The following DENND1A variants were observed in gnomAD, a reference collection of about 807,000 sequenced individuals.
The protein encoded by DENND1A is DENN domain-containing protein 1A.
A neutral mutation model predicts 113.7 loss-of-function variants in DENND1A; 51 were observed. The ratio of observed to expected loss-of-function variants is 0.45; its 90% confidence interval spans 0.36 to 0.57. The LOEUF is 0.57. DENND1A is among the 20% of genes least tolerant of loss of function. The pLI, the probability that DENND1A is intolerant of heterozygous loss-of-function variation, is 0.00. For missense variants in DENND1A, 1,258 were observed against 1,395.9 expected, an observed-to-expected ratio of 0.90 and a Z score of 1.57; for synonymous variants, 565 against 570.8, an observed-to-expected ratio of 0.99 and a Z score of 0.14.
chr9:123,805,329 A>C (rs1344328763), intron 2 of DENND1A, among the ~76,000 whole-genome samples: 1 of 152,184 alleles, frequency 6.6e-6, no homozygotes, highest in Non-Finnish European at 1.5e-5. Context: ...CAGATTTTGT[A>C]ATATTTCATA....
intron 3 of DENND1A, 75 bp downstream of exon 3, chr9:123,792,512 A>G: frequency 1.4e-6 from 2 of 1,458,946 alleles, no homozygotes; most frequent in South Asian, 2.6e-5. Flanking sequence ...CTTTCAGTAA[A>G]AAGAACAGTA....
At chr9:123,775,845 A>G (rs1830398764) in intron 3 of DENND1A, among the ~76,000 whole-genome samples, 1 of 152,170 alleles carries the variant, frequency 6.6e-6, no homozygotes, top group Admixed American at 6.5e-5. Context: ...CACACGAAAA[A>G]GCAGTCGATA....
At chr9:123,698,987 T>C (rs1192108811) in intron 5 of DENND1A, among the ~76,000 whole-genome samples, 1 of 152,194 alleles carries the variant, frequency 6.6e-6, no homozygotes, top group African/African-American at 2.4e-5. Context: ...AGTATATTTT[T>C]CTCAGGTATT....
chr9:123,479,227 C>G (rs990449330), intron 13 of DENND1A, among the ~76,000 whole-genome samples: 4 of 152,194 alleles, frequency 2.6e-5, no homozygotes, highest in Non-Finnish European at 4.4e-5. Context: ...AGTCTAAAGT[C>G]TGGGTTCTTT....
At chr9:123,839,541 C>T (rs1841527769) in intron 2 of DENND1A, among the ~76,000 whole-genome samples, 7 of 152,198 alleles carry the variant, frequency 4.6e-5, no homozygotes, top group Admixed American at 4.6e-4. Flanking sequence ...GCCAATTTCC[C>T]TTAATCCACT....
intron 18 of DENND1A, among the ~76,000 whole-genome samples, chr9:123,443,321 T>A (rs1280633316): frequency 2.6e-5 from 4 of 152,232 alleles, no homozygotes; most frequent in African/African-American, 7.2e-5. Context: ...TGCTTAGCAC[T>A]ATCTTATTTT....
chr9:123,627,035 C>T (rs1363230803), intron 10 of DENND1A, among the ~76,000 whole-genome samples: 1 of 152,214 alleles, frequency 6.6e-6, no homozygotes. Flanking sequence ...ATGTCCCCCT[C>T]TTCTTGCCAG....
chr9:123,606,027 C>A (rs1024148777), intron 11 of DENND1A, among the ~76,000 whole-genome samples: 1 of 152,182 alleles, frequency 6.6e-6, no homozygotes, highest in Admixed American at 6.5e-5. Context: ...TTCCTGAGCA[C>A]CTTCCGTAAA....
At chr9:123,433,420 A>G (rs2046287261) in intron 19 of DENND1A, among the ~76,000 whole-genome samples, 1 of 152,186 alleles carries the variant, frequency 6.6e-6, no homozygotes, top group South Asian at 2.1e-4. Flanking sequence ...CATGGATCTT[A>G]TATATGTGTG....
intron 11 of DENND1A, among the ~76,000 whole-genome samples, chr9:123,604,478 C>T (rs992995652): frequency 6.6e-6 from 1 of 152,160 alleles, no homozygotes; most frequent in Admixed American, 6.5e-5. Flanking sequence ...AAACATGGTG[C>T]CCCGTACACA....
At chr9:123,798,029 C>G (rs539578113) in intron 2 of DENND1A, among the ~76,000 whole-genome samples, 1 of 152,184 alleles carries the variant, frequency 6.6e-6, no homozygotes, top group Non-Finnish European at 1.5e-5. Flanking sequence ...AAAATCTATT[C>G]TAGGTGTAAC....
chr9:123,911,256 T>C (rs751457144), intron 1 of DENND1A, among the ~76,000 whole-genome samples: 33 of 152,080 alleles, frequency 2.2e-4, no homozygotes, highest in Non-Finnish European at 4.6e-4. Flanking sequence ...GCTAATAATA[T>C]GGCTAAAAAA....
chr9:123,544,419 T>C (rs1180534652), intron 13 of DENND1A, among the ~76,000 whole-genome samples: 1 of 152,246 alleles, frequency 6.6e-6, no homozygotes, highest in Non-Finnish European at 1.5e-5. Context: ...AACACTTGTA[T>C]AGATTAGAGA....
At chr9:123,407,157 G>T (rs943699795) in intron 20 of DENND1A, among the ~76,000 whole-genome samples, 24 of 147,738 alleles carry the variant, frequency 1.6e-4, no homozygotes, top group Admixed American at 4.7e-4. Context: ...ACAGAGCAGG[G>T]GGGGAGGGGC....
intron 2 of DENND1A, among the ~76,000 whole-genome samples, chr9:123,797,344 C>T (rs2132145435): frequency 6.6e-6 from 1 of 152,178 alleles, no homozygotes; most frequent in African/African-American, 2.4e-5. Context: ...GATAACAGTC[C>T]ACTACACTGC....
intron 11 of DENND1A, among the ~76,000 whole-genome samples, chr9:123,593,031 A>G (rs1457128540): frequency 2.0e-5 from 3 of 152,220 alleles, no homozygotes; most frequent in African/African-American, 7.2e-5. Context: ...CTCAATTGAG[A>G]TTCTATTTCA....
intron 2 of DENND1A, among the ~76,000 whole-genome samples, chr9:123,809,499 T>A (rs1052673603): frequency 6.6e-6 from 1 of 150,912 alleles, no homozygotes; most frequent in Admixed American, 6.6e-5. Context: ...TGGTAAAACA[T>A]CAATGCCTAT....
Position 123,382,482 on chromosome 9 carries a change from G to C in DENND1A, c.2163C>G (p.Pro721=), listed in dbSNP as rs1243154203. 6.2e-7 allele frequency: 1 copy of C among 1,613,916 alleles called. No individual in the cohort carries two copies. The highest frequency in any genetic ancestry group is 8.5e-7 in the Non-Finnish European group (1 of 1,179,912). ...CCAGGGAGTTTCCGAGCAGGGCTGAGGGCTTCTCAGGGGAGGCAGCTGGGG... is the reference window on the plus strand; with the variant it reads ...CCAGGGAGTTTCCGAGCAGGGCTGACGGCTTCTCAGGGGAGGCAGCTGGGG... ...SKPPAASPEK[P]SALLGNSLAL... is the part of the protein sequence containing the mutation. The change falls in exon 24 of 24, where the codon CCC becomes CCG. Residue 721 remains proline, a synonymous_variant. Transcript: ENST00000394215.
chr9:123,743,629 G>A (rs1343165493), intron 5 of DENND1A, among the ~76,000 whole-genome samples: 1 of 151,652 alleles, frequency 6.6e-6, no homozygotes, highest in Admixed American at 6.6e-5. Context: ...CTACTTGGGA[G>A]GCTGAGGCAG....
Sources: gnomAD v4.1 joint callset for allele counts (sites outside exome capture counted in the v4.1 genomes callset) on GRCh38, gnomAD v4.1.1 for gene constraint, MANE v1.5 for transcripts, NCBI Gene and HGNC (gene_info 2026-07-23, HGNC 2026-07-21) for gene names.